RGL1: variants seen among roughly 807,000 people sequenced by gnomAD.
RGL1 encodes the protein ral guanine nucleotide dissociation stimulator-like 1.
RGL1 carries 24 observed loss-of-function variants against 95.2 expected under a neutral mutation model. That is an observed-to-expected ratio of 0.25 (90% CI 0.18 to 0.35). The LOEUF (loss-of-function observed/expected upper bound fraction) is 0.35. Among genes scored for constraint, RGL1 ranks in the 10% least tolerant of loss-of-function variants. The probability of loss-of-function intolerance (pLI) is 1.00; values close to 1 mark genes in which losing one functional copy is unlikely to be tolerated. For missense variants in RGL1, 715 were observed against 936.3 expected (o/e 0.76, Z 3.08); for synonymous variants, 329 against 344.9 (o/e 0.95, Z 0.51).
chr1:183,788,679 G>T (rs1201771462), intron 2 of RGL1, among the ~76,000 whole-genome samples: 6 of 152,146 alleles, frequency 3.9e-5, no homozygotes, highest in African/African-American at 1.4e-4. Flanking sequence ...TTATTTGAAG[G>T]ATTATGGGAT....
At chr1:183,725,836 T>C (rs1203365118) in intron 1 of RGL1, among the ~76,000 whole-genome samples, 1 of 152,194 alleles carries the variant, frequency 6.6e-6, no homozygotes, top group African/African-American at 2.4e-5. Flanking sequence ...TAAGAACATG[T>C]CACTTAACAA....
intron 3 of RGL1, among the ~76,000 whole-genome samples, chr1:183,859,268 G>A (rs1665360259): frequency 6.6e-6 from 1 of 152,190 alleles, no homozygotes; most frequent in Non-Finnish European, 1.5e-5. Flanking sequence ...GATGACAGAG[G>A]CTTGGAATGG....
rs1359005937 is a variant in RGL1 at position 183,831,183 on chromosome 1, T to C, written c.139-16383T>C. Reference sequence around the variant, plus strand: ...TGTGACACTGACCAGAGGGGTGCTCTAGGGGGTTTATCTGAGTAAGTACTG... The same window carrying C: ...TGTGACACTGACCAGAGGGGTGCTCCAGGGGGTTTATCTGAGTAAGTACTG... On this transcript the variant is annotated intron_variant, in intron 2 of 17. Transcript: ENST00000360851. Among the ~76,000 whole-genome samples, 3 of 152,254 alleles carry C rather than the reference T, an allele frequency of 2.0e-5. No individual in the cohort carries two copies. In the East Asian group the frequency reaches 5.8e-4, roughly 29 times the overall value.
chr1:183,896,729 C>G (rs1269666548), intron 9 of RGL1, among the ~76,000 whole-genome samples: 5 of 152,142 alleles, frequency 3.3e-5, no homozygotes, highest in Non-Finnish European at 7.4e-5. Flanking sequence ...TAACAAGACC[C>G]CAAAACCGCA....
At chr1:183,680,334 GT>G (rs1653125819) in intron 1 of RGL1, among the ~76,000 whole-genome samples, 1 of 152,056 alleles carries the variant, frequency 6.6e-6, no homozygotes, top group Non-Finnish European at 1.5e-5. Flanking sequence ...TTCTTCTAGG[GT>G]TTTTATGTTT....
In RGL1 at chr1:183,792,805, CACAA is replaced by C. The variant is rs1272518186; in HGVS notation, c.133-13564_133-13561del. On this transcript the variant is annotated intron_variant, in intron 2 of 18. Transcript: ENST00000304685. ...CACTGATGACAGAAATTGAAGAGAA[CACAA>C]ACAAAGGAAAGACATTCCATGCTCA... Among the ~76,000 whole-genome samples, 9 of 151,984 alleles carry C rather than the reference CACAA, an allele frequency of 5.9e-5. No homozygotes were observed. The South Asian group carries it at 6.2e-4, about 10-fold the overall frequency.
intron 2 of RGL1, among the ~76,000 whole-genome samples, chr1:183,758,449 G>A (rs189371124): frequency 6.6e-6 from 1 of 152,166 alleles, no homozygotes; most frequent in African/African-American, 2.4e-5. Context: ...CACCCGCCTT[G>A]GCCTCCCAAA....
intron 2 of RGL1, among the ~76,000 whole-genome samples, chr1:183,769,107 T>A (rs1167342005): frequency 6.6e-6 from 1 of 152,236 alleles, no homozygotes; most frequent in Non-Finnish European, 1.5e-5. Context: ...AGATTACTTA[T>A]GAGAACTGAG....
chr1:183,911,173 C>T (rs528132257), intron 14 of RGL1, among the ~76,000 whole-genome samples: 13 of 152,148 alleles, frequency 8.5e-5, no homozygotes, highest in African/African-American at 1.7e-4. Context: ...GCGGTGTCAC[C>T]GGTTGAGAGT....
In RGL1 at chr1:183,822,417, T is replaced by TA. The variant is rs570566571; in HGVS notation, c.138+15933dup. Among the ~76,000 whole-genome samples the TA allele has an allele frequency of 1.5e-4, 23 of 152,006 alleles. No homozygotes were observed. In the East Asian group the frequency reaches 4.4e-3, roughly 29 times the overall value. On this transcript the variant is annotated intron_variant, in intron 2 of 17. Coordinates refer to ENST00000360851, the MANE Select transcript of RGL1 (RefSeq NM_001297671.3). ...TTCAGGAAGGAATCCAAAAGTACAA[T>TA]ATTTAGGAGTTATTGAACCAAAATC...
rs532552924 is a variant in RGL1 at position 183,636,770 on chromosome 1, T to TA, written c.-33+276dup. Among the ~76,000 whole-genome samples the TA allele has an allele frequency of 8.5e-5, 13 of 152,294 alleles. No individual in the cohort carries two copies. The East Asian group carries it at 1.3e-3, about 16-fold the overall frequency. ...TATATGATTCCATCTAGGCCAGATT[T>TA]AAAAAAATATTTGACATCCCCATTT... On this transcript the variant is annotated intron_variant, in intron 1 of 18. Coordinates refer to the RGL1 transcript ENST00000304685.
At chr1:183,866,291 A>G (rs1383192511) in intron 4 of RGL1, among the ~76,000 whole-genome samples, 1 of 152,218 alleles carries the variant, frequency 6.6e-6, no homozygotes, top group Non-Finnish European at 1.5e-5. Context: ...AAGGTATACA[A>G]AACAAACAAG....
At chr1:183,707,584 G>T (rs12132735) in intron 1 of RGL1, among the ~76,000 whole-genome samples, 67,325 of 151,630 alleles carry the variant, frequency 0.44, 16,234 homozygotes, top group East Asian at 0.76. Context: ...GGAAAGGGGG[G>T]TTGAGTTAAC....
intron 4 of RGL1, among the ~76,000 whole-genome samples, chr1:183,869,542 T>C (rs1169402259): frequency 1.3e-5 from 2 of 152,214 alleles, no homozygotes; most frequent in African/African-American, 4.8e-5. Context: ...CGCTCTGTCC[T>C]ACAGATTCTG....
intron 5 of RGL1, among the ~76,000 whole-genome samples, chr1:183,881,365 C>G (rs1182602010): frequency 6.6e-6 from 1 of 152,180 alleles, no homozygotes; most frequent in Admixed American, 6.5e-5. Context: ...CATTTAGCAT[C>G]TATAAGGGCC....
intron 2 of RGL1, among the ~76,000 whole-genome samples, chr1:183,809,278 G>T (rs12562340): frequency 6.6e-6 from 1 of 152,280 alleles, no homozygotes; most frequent in East Asian, 1.9e-4. Context: ...TTTTGGGGAG[G>T]AGAGCAAAAT....
At chr1:183,730,963 G>A (rs531764022) in intron 1 of RGL1, among the ~76,000 whole-genome samples, 1 of 152,268 alleles carries the variant, frequency 6.6e-6, no homozygotes, top group South Asian at 2.1e-4. Flanking sequence ...GTCTGAAGTG[G>A]ACAAATGGAG....
intron 6 of RGL1, among the ~76,000 whole-genome samples, chr1:183,884,113 C>T (rs1006968764): frequency 7.2e-5 from 11 of 152,212 alleles, no homozygotes; most frequent in African/African-American, 2.4e-4. Flanking sequence ...TCTTGCAACT[C>T]TAGGAGAAGG....
chr1:183,653,075 C>G (rs1367257717), intron 1 of RGL1: 2 of 152,244 alleles, frequency 1.3e-5, no homozygotes, highest in Non-Finnish European at 2.9e-5. Flanking sequence ...TAATTACCAT[C>G]AATTTGTCTC....
Sources: gnomAD v4.1 joint callset for allele counts (sites outside exome capture counted in the v4.1 genomes callset) on GRCh38, gnomAD v4.1.1 for gene constraint, MANE v1.5 for transcripts, NCBI Gene and HGNC (gene_info 2026-07-23, HGNC 2026-07-21) for gene names.